The following RANBP17 variants were observed in gnomAD, a reference collection of about 807,000 sequenced individuals.
RANBP17 encodes ran-binding protein 17.
A neutral mutation model predicts 141.2 loss-of-function variants in RANBP17; 158 were observed. The observed-to-expected ratio is 1.12, with a 90% confidence interval of 0.98 to 1.28. RANBP17 has a LOEUF of 1.28. Ranked by LOEUF, RANBP17 falls within the 50% of genes most tolerant of loss-of-function variation. The probability of loss-of-function intolerance (pLI) is 0.00; values close to 1 mark genes in which losing one functional copy is unlikely to be tolerated. For missense variants in RANBP17, 1,438 were observed against 1,290.7 expected (o/e 1.11, Z -1.75); for synonymous variants, 430 against 450.0 (o/e 0.96, Z 0.56).
At chr5:170,933,788 A>G (rs997024182) in intron 12 of RANBP17, among the ~76,000 whole-genome samples, 1 of 152,126 alleles carries the variant, frequency 6.6e-6, no homozygotes, top group Admixed American at 6.6e-5. Flanking sequence ...ACAGTTTGTT[A>G]TAATTTCTGT....
chr5:171,084,219 T>G (rs1242698709), intron 14 of RANBP17, among the ~76,000 whole-genome samples: 5 of 150,560 alleles, frequency 3.3e-5, no homozygotes, highest in Non-Finnish European at 7.4e-5. Context: ...GTGTTTGTTT[T>G]TTTGTTCTTG....
chr5:170,967,739 A>C (rs553735070), intron 13 of RANBP17, among the ~76,000 whole-genome samples: 1 of 151,716 alleles, frequency 6.6e-6, no homozygotes. Context: ...TTTATTATTC[A>C]TTAAGGGCAG....
At chr5:171,186,531 T>C (rs913211059) in intron 18 of RANBP17, among the ~76,000 whole-genome samples, 1 of 76,156 alleles carries the variant, frequency 1.3e-5, no homozygotes, top group Non-Finnish European at 2.8e-5. Context: ...ATTTTCTTTT[T>C]TTTTTTTTTT....
intron 14 of RANBP17, among the ~76,000 whole-genome samples, chr5:170,984,196 T>G (rs1181137825): frequency 1.3e-5 from 2 of 152,134 alleles, no homozygotes; most frequent in Non-Finnish European, 2.9e-5. Flanking sequence ...TACAGCAAAT[T>G]CAGGTCTCTA....
At chr5:170,869,680 C>T (rs1767554012) in intron 1 of RANBP17, among the ~76,000 whole-genome samples, 1 of 152,120 alleles carries the variant, frequency 6.6e-6, no homozygotes, top group Non-Finnish European at 1.5e-5. Context: ...AAATCTCCCT[C>T]CTTTCTCTTA....
At chr5:171,132,455 G>A (rs1756987558) in intron 14 of RANBP17, among the ~76,000 whole-genome samples, 1 of 151,846 alleles carries the variant, frequency 6.6e-6, no homozygotes, top group East Asian at 1.9e-4. Context: ...GAGCAGGGTA[G>A]CTCATGCATG....
chr5:170,958,773 A>G (rs1775924812), intron 13 of RANBP17, among the ~76,000 whole-genome samples: 1 of 152,212 alleles, frequency 6.6e-6, no homozygotes, highest in Admixed American at 6.5e-5. Context: ...GTGATGATTT[A>G]TAATTATGAC....
chr5:170,940,514 T>G (rs1158316570), intron 12 of RANBP17, among the ~76,000 whole-genome samples: 2 of 152,150 alleles, frequency 1.3e-5, no homozygotes, highest in African/African-American at 4.8e-5. Context: ...GCACTTCTGG[T>G]CCCAAGTATT....
At chr5:171,116,527 A>G (rs1755644174) in intron 14 of RANBP17, among the ~76,000 whole-genome samples, 1 of 152,182 alleles carries the variant, frequency 6.6e-6, no homozygotes, top group African/African-American at 2.4e-5. Context: ...TTCTCATTTT[A>G]ATGTTTTAAA....
At chr5:171,196,277 T>G (rs1184894520) in intron 18 of RANBP17, among the ~76,000 whole-genome samples, 1 of 152,166 alleles carries the variant, frequency 6.6e-6, no homozygotes, top group African/African-American at 2.4e-5. Context: ...ATTACTGTAT[T>G]TATAGTATTT....
chr5:171,259,705 A>G (rs926804767), intron 24 of RANBP17, among the ~76,000 whole-genome samples: 3 of 152,158 alleles, frequency 2.0e-5, no homozygotes, highest in African/African-American at 7.2e-5. Context: ...CAAGGGTCAG[A>G]CATGGTGGCT....
chr5:171,028,809 A>G (rs1387007279), intron 14 of RANBP17: 1 of 792,156 alleles, frequency 1.3e-6, no homozygotes, highest in African/African-American at 1.8e-5. Flanking sequence ...CCCTCTCCTA[A>G]GAAAGGAGAA....
intron 1 of RANBP17, among the ~76,000 whole-genome samples, chr5:170,867,825 A>C (rs1767386544): frequency 6.6e-6 from 1 of 152,176 alleles, no homozygotes; most frequent in Non-Finnish European, 1.5e-5. Context: ...ACATCTGTGA[A>C]ATTGTCACCA....
intron 1 of RANBP17, among the ~76,000 whole-genome samples, chr5:170,869,595 C>T (rs1365941281): frequency 6.6e-6 from 1 of 152,152 alleles, no homozygotes; most frequent in Non-Finnish European, 1.5e-5. Context: ...TTCGTTGTTT[C>T]TTGGCTTGCA....
intron 21 of RANBP17, among the ~76,000 whole-genome samples, chr5:171,214,791 T>C (rs997558467): frequency 6.6e-6 from 1 of 152,048 alleles, no homozygotes; most frequent in South Asian, 2.1e-4. Context: ...AACCAGAAAA[T>C]TAATATTATG....
At chr5:171,120,875 T>A (rs528580959) in intron 14 of RANBP17, among the ~76,000 whole-genome samples, 5 of 152,384 alleles carry the variant, frequency 3.3e-5, no homozygotes, top group African/African-American at 1.2e-4. Flanking sequence ...GACAATGATT[T>A]ACTTGTATGA....
At chr5:171,256,591 C>T (rs1765910608) in intron 24 of RANBP17, among the ~76,000 whole-genome samples, 1 of 151,810 alleles carries the variant, frequency 6.6e-6, no homozygotes, top group Admixed American at 6.6e-5. Context: ...GAAGTAGAGA[C>T]TAAGAAATAA....
intron 25 of RANBP17, among the ~76,000 whole-genome samples, chr5:171,288,422 G>T (rs1315791114): frequency 9.9e-5 from 15 of 152,214 alleles, no homozygotes; most frequent in Admixed American, 9.8e-4. Context: ...CAGTCCTCCA[G>T]ATGTGTAAAG....
intron 11 of RANBP17, among the ~76,000 whole-genome samples, chr5:170,924,068 GCT>G (rs915606597): frequency 1.6e-4 from 24 of 150,980 alleles, no homozygotes; most frequent in African/African-American, 5.6e-4. Context: ...CGCAATCTTA[GCT>G]CACTGCAACC....
Sources: gnomAD v4.1 joint callset for allele counts (sites outside exome capture counted in the v4.1 genomes callset) on GRCh38, gnomAD v4.1.1 for gene constraint, MANE v1.5 for transcripts, NCBI Gene and HGNC (gene_info 2026-07-23, HGNC 2026-07-21) for gene names.